NCOA1: variants seen among roughly 807,000 people sequenced by gnomAD.
The protein encoded by NCOA1 is nuclear receptor coactivator 1.
Under a neutral mutation model 150.9 loss-of-function variants are expected in NCOA1, and 35 were observed. That is an observed-to-expected ratio of 0.23 (90% CI 0.18 to 0.31). The LOEUF (loss-of-function observed/expected upper bound fraction) is 0.31. Among genes scored for constraint, NCOA1 ranks in the 10% least tolerant of loss-of-function variants. The probability of loss-of-function intolerance (pLI) is 1.00; values close to 1 mark genes in which losing one functional copy is unlikely to be tolerated. For synonymous variants in NCOA1, 590 were observed against 630.0 expected, an observed-to-expected ratio of 0.94 and a Z score of 0.95; for missense variants, 1,491 against 1,749.3, an observed-to-expected ratio of 0.85 and a Z score of 2.63.
intron 2 of NCOA1, among the ~76,000 whole-genome samples, chr2:24,579,834 C>A (rs1361792694): frequency 1.3e-5 from 2 of 152,176 alleles, no homozygotes; most frequent in Non-Finnish European, 2.9e-5. Context: ...TGAAAACAAG[C>A]TTCAAGTTAG....
intron 2 of NCOA1, among the ~76,000 whole-genome samples, chr2:24,581,312 C>T (rs1343826792): frequency 1.3e-5 from 2 of 152,222 alleles, no homozygotes; most frequent in Non-Finnish European, 2.9e-5. Flanking sequence ...GTCTCATTAT[C>T]ACGTGGCAGG....
Position 24,576,156 on chromosome 2 carries a change from TTTTTTTGTTTTTTG to T in NCOA1, c.-259-8313_-259-8300del, listed in dbSNP as rs1201723961. ...AGAAATTATTTGGCCTTTGTTTTTTTTTTTTTGTTTTTTGTTTTTTTTTTTTTTTTTTTTTGTTT... is the reference window on the plus strand; with the variant it reads ...AGAAATTATTTGGCCTTTGTTTTTTTTTTTTTTTTTTTTTTTTTTTTGTTT... On this transcript the variant is annotated intron_variant, in intron 2 of 22. Coordinates refer to ENST00000348332, the MANE Select transcript of NCOA1 (RefSeq NM_003743.5). 3.9e-3 allele frequency among the ~76,000 whole-genome samples: 372 copies of T among 94,300 alleles called. 3 individuals are homozygous for T. The highest frequency in any genetic ancestry group is 5.8e-3 in the African/African-American group (134 of 23,278). The allele number at this position is 94,300 out of a possible 152,430, so 61.9% of individuals were successfully genotyped here. A position where few individuals can be genotyped will look rare whatever the true frequency, so the allele number is the denominator to read the frequency against.
intron 1 of NCOA1, among the ~76,000 whole-genome samples, chr2:24,504,163 C>T (rs755052211): frequency 3.9e-5 from 6 of 152,192 alleles, no homozygotes; most frequent in Non-Finnish European, 7.3e-5. Flanking sequence ...ACCGATGATA[C>T]TAGGAGCCTA....
At chr2:24,604,048 A>G (rs898062008) in intron 3 of NCOA1, among the ~76,000 whole-genome samples, 1 of 152,218 alleles carries the variant, frequency 6.6e-6, no homozygotes, top group Non-Finnish European at 1.5e-5. Flanking sequence ...ATCTCCTTGT[A>G]CATCTCCATC....
intron 4 of NCOA1, among the ~76,000 whole-genome samples, chr2:24,649,140 G>A (rs933500940): frequency 6.6e-5 from 10 of 151,768 alleles, no homozygotes; most frequent in African/African-American, 2.4e-4. Flanking sequence ...GTGTAGCCAA[G>A]ACCACACTTG....
chr2:24,521,670 A>G (rs1273770294), intron 1 of NCOA1, among the ~76,000 whole-genome samples: 1 of 152,204 alleles, frequency 6.6e-6, no homozygotes, highest in Non-Finnish European at 1.5e-5. Context: ...TTTGGCTGTT[A>G]TGAATAATGC....
At chr2:24,495,202 A>G (rs1249897739) in intron 1 of NCOA1, among the ~76,000 whole-genome samples, 1 of 151,420 alleles carries the variant, frequency 6.6e-6, no homozygotes, top group African/African-American at 2.4e-5. Flanking sequence ...TGCAGGATAC[A>G]TGGCTGAATA....
chr2:24,692,981 C>T (rs1672736730), intron 9 of NCOA1, among the ~76,000 whole-genome samples: 2 of 152,328 alleles, frequency 1.3e-5, no homozygotes, highest in African/African-American at 4.8e-5. Flanking sequence ...CTGCCTCAGC[C>T]TCCCGAGTAG....
chr2:24,711,038 T>G lies in NCOA1; in HGVS notation c.2526T>G (p.Ser842Arg). The change falls in exon 14 of 23, where the codon AGT becomes AGG. Residue 842 changes from serine (S) to arginine (R), a missense_variant. Coordinates refer to ENST00000348332, the MANE Select transcript of NCOA1 (RefSeq NM_003743.5). The part of the protein sequence containing the change: ...ETDRMDGAVT[S>R]VTIKSEILPA... ...ACAGGATGGATGGTGCGGTCACCAG[T>G]GTAACCATCAAATCGGAGATCCTGC... The G allele has an allele frequency of 1.2e-6, 2 of 1,614,168 alleles. No individual in the cohort carries two copies. The highest frequency in any genetic ancestry group is 1.7e-6 in the Non-Finnish European group (2 of 1,180,006).
Position 24,707,861 on chromosome 2 carries a change from G to A in NCOA1, c.2391G>A (p.Glu797=). 2 of 1,597,636 alleles carry A rather than the reference G, an allele frequency of 1.3e-6. No homozygotes were observed. The highest frequency in any genetic ancestry group is 1.8e-5 in the Admixed American group (1 of 55,812). The change falls in exon 13 of 23, where the codon GAG becomes GAA. Residue 797 remains glutamate, a synonymous_variant. Coordinates refer to ENST00000348332, the MANE Select transcript of NCOA1 (RefSeq NM_003743.5). ...CCCCAATGACCAAACCCACTCCTGA[G>A]GAAATAAAACTGGAGGCCCAGAGCC... is the stretch of plus-strand genomic sequence containing the variant. The part of the protein sequence containing the change: ...NPTPMTKPTP[E]EIKLEAQSQF...
intron 6 of NCOA1, among the ~76,000 whole-genome samples, chr2:24,670,298 A>G (rs1304138363): frequency 6.6e-6 from 1 of 152,224 alleles, no homozygotes; most frequent in Non-Finnish European, 1.5e-5. Context: ...TAGCTATCAT[A>G]TGACCCAATA....
At chr2:24,546,158 T>C (rs915084835) in intron 1 of NCOA1, among the ~76,000 whole-genome samples, 2 of 152,082 alleles carry the variant, frequency 1.3e-5, no homozygotes, top group African/African-American at 4.8e-5. Context: ...GAAGCTATGA[T>C]TGTACTGCTG....
intron 1 of NCOA1, among the ~76,000 whole-genome samples, chr2:24,494,843 G>C (rs1173582701): frequency 6.6e-6 from 1 of 152,132 alleles, no homozygotes; most frequent in African/African-American, 2.4e-5. Context: ...CTGTAGGAAA[G>C]GACTTTTTAA....
chr2:24,573,793 TTAAA>T (rs1443587580), intron 2 of NCOA1, among the ~76,000 whole-genome samples: 1 of 151,940 alleles, frequency 6.6e-6, no homozygotes, highest in Admixed American at 6.6e-5. Flanking sequence ...AAAAAATTGC[TTAAA>T]TAAATACCGG....
rs773843472 is a variant in NCOA1, at chr2:24,757,926, T to G, written c.3882-47T>G. ...AAACAGAATCTAGTCATATATCCCC[T>G]TGTTCATGATCAGTGGATGTAATCT... On this transcript the variant is annotated intron_variant, in intron 20 of 22. Transcript: ENST00000348332. 23 of 1,592,908 alleles carry G rather than the reference T, an allele frequency of 1.4e-5. No individual in the cohort carries two copies. In the South Asian group the frequency reaches 2.6e-4, roughly 18 times the overall value.
chr2:24,557,998 CA>C (rs1223505475), intron 1 of NCOA1, among the ~76,000 whole-genome samples: 1 of 150,820 alleles, frequency 6.6e-6, no homozygotes, highest in African/African-American at 2.4e-5. Context: ...TTCATTTTCC[CA>C]AAATGAACCC....
chr2:24,599,855 C>T (rs931495823), intron 3 of NCOA1, among the ~76,000 whole-genome samples: 10 of 151,516 alleles, frequency 6.6e-5, no homozygotes, highest in Non-Finnish European at 1.0e-4. Context: ...CTCAGCCTCC[C>T]GAGTAGCTGG....
Position 24,666,156 on chromosome 2 carries a change from C to T in NCOA1, c.256+241C>T, listed in dbSNP as rs55653670. Among the ~76,000 whole-genome samples, 14 of 151,334 alleles carry T rather than the reference C, an allele frequency of 9.3e-5. No homozygotes were observed. The South Asian group carries it at 2.5e-3, about 27-fold the overall frequency. On this transcript the variant is annotated intron_variant, in intron 6 of 22. Coordinates refer to ENST00000348332, the MANE Select transcript of NCOA1 (RefSeq NM_003743.5). The stretch of plus-strand genomic sequence containing the variant: ...CCTCCCAAGTAGCTGGGACTACAGG[C>T]GCCTGCCACTATACCTGGCTGATCT...
chr2:24,502,662 G>T (rs930826677), intron 1 of NCOA1, among the ~76,000 whole-genome samples: 1 of 152,060 alleles, frequency 6.6e-6, no homozygotes, highest in Admixed American at 6.6e-5. Flanking sequence ...CCAGTAAATT[G>T]TGTTTTGAAA....
Sources: gnomAD v4.1 joint callset for allele counts (sites outside exome capture counted in the v4.1 genomes callset) on GRCh38, gnomAD v4.1.1 for gene constraint, MANE v1.5 for transcripts, NCBI Gene and HGNC (gene_info 2026-07-23, HGNC 2026-07-21) for gene names.